Variants in OLA1 observed in about 807,000 individuals in gnomAD.
OLA1 encodes the protein obg-like ATPase 1.
OLA1 carries 14 observed loss-of-function variants against 48.4 expected under a neutral mutation model. The observed-to-expected ratio is 0.29, with a 90% CI of 0.19 to 0.45. The LOEUF (loss-of-function observed/expected upper bound fraction) is 0.45. OLA1 is among the 20% of genes least tolerant of loss of function. OLA1 has a pLI of 1.00. For missense variants in OLA1, 325 were observed against 467.1 expected (o/e 0.70, Z 2.80); for synonymous variants, 127 against 150.4 (o/e 0.84, Z 1.14).
intron 5 of OLA1, among the ~76,000 whole-genome samples, chr2:174,132,304 C>T (rs1431908206): frequency 6.6e-6 from 1 of 151,908 alleles, no homozygotes; most frequent in Non-Finnish European, 1.5e-5. Flanking sequence ...AACTTTTGGC[C>T]TTTTTGATCC....
intron 1 of OLA1, chr2:174,247,827 T>A: frequency 2.0e-6 from 3 of 1,538,402 alleles, no homozygotes; most frequent in African/African-American, 1.4e-5. Context: ...CGAAACTTTC[T>A]CTGTCCCTTA....
intron 5 of OLA1, among the ~76,000 whole-genome samples, chr2:174,135,160 CA>C (rs71405180): frequency 8.6e-4 from 74 of 86,008 alleles, no homozygotes; most frequent in Middle Eastern, 6.3e-3. Flanking sequence ...ACTCCGCCTC[CA>C]AAAAAAAAAA....
At chr2:174,243,741 T>C (rs1574577843) in intron 2 of OLA1, among the ~76,000 whole-genome samples, 1 of 152,200 alleles carries the variant, frequency 6.6e-6, no homozygotes, top group Non-Finnish European at 1.5e-5. Flanking sequence ...GATTGGCATA[T>C]AGTAAATGTT....
intron 4 of OLA1, among the ~76,000 whole-genome samples, chr2:174,215,755 A>G (rs1688348909): frequency 6.6e-6 from 1 of 152,224 alleles, no homozygotes; most frequent in Admixed American, 6.5e-5. Context: ...AATGCCATAT[A>G]AAATCATAAC....
chr2:174,162,921 T>C (rs954643355), intron 4 of OLA1, among the ~76,000 whole-genome samples: 3 of 152,138 alleles, frequency 2.0e-5, no homozygotes, highest in African/African-American at 7.2e-5. Flanking sequence ...GGAACGTGTA[T>C]GTAGTCCCAG....
intron 5 of OLA1, among the ~76,000 whole-genome samples, chr2:174,136,672 CT>C (rs555917413): frequency 2.5e-3 from 348 of 141,722 alleles, no homozygotes; most frequent in Middle Eastern, 3.6e-3. Flanking sequence ...CATGAATATT[CT>C]TTTTTTTTTT....
At chr2:174,247,738 A>T (rs1438397823) in intron 1 of OLA1, 1 of 1,551,112 alleles carries the variant, frequency 6.4e-7, no homozygotes, top group South Asian at 1.2e-5. Context: ...ATCAGTCCTC[A>T]TAAGCAACCT....
intron 4 of OLA1, among the ~76,000 whole-genome samples, chr2:174,162,519 A>G (rs1687034003): frequency 6.6e-6 from 1 of 152,176 alleles, no homozygotes; most frequent in Non-Finnish European, 1.5e-5. Flanking sequence ...TTTGTTTTAT[A>G]GTTAGTATAG....
Position 174,207,289 on chromosome 2 carries a change from A to G in OLA1, c.373+15744T>C, listed in dbSNP as rs531753856. On this transcript the variant is annotated intron_variant, in intron 4 of 10. Coordinates refer to ENST00000284719, the MANE Select transcript of OLA1 (RefSeq NM_013341.5). ...TTCACCTCTTTTTAACCAAACACCC[A>G]CAACAAAACTAAAGTAGCTCTCTGG... Among the ~76,000 whole-genome samples the G allele has an allele frequency of 2.0e-5, 3 of 152,320 alleles. No individual in the cohort carries two copies. In the East Asian group the frequency reaches 5.8e-4, roughly 29 times the overall value.
At chr2:174,102,159 T>C (rs1263165690) in intron 7 of OLA1, among the ~76,000 whole-genome samples, 2 of 151,980 alleles carry the variant, frequency 1.3e-5, no homozygotes, top group Admixed American at 6.6e-5. Flanking sequence ...GTCAGCAACA[T>C]CAATATCACC....
At chr2:174,206,509 G>C (rs1166404911) in intron 4 of OLA1, among the ~76,000 whole-genome samples, 1 of 152,074 alleles carries the variant, frequency 6.6e-6, no homozygotes, top group Non-Finnish European at 1.5e-5. Context: ...GCTATTTTGG[G>C]CAGAGAGGAC....
intron 5 of OLA1, among the ~76,000 whole-genome samples, chr2:174,133,289 T>A (rs1163136530): frequency 6.6e-6 from 1 of 152,196 alleles, no homozygotes; most frequent in Admixed American, 6.5e-5. Flanking sequence ...GGACCTATGA[T>A]GGTTTAGCTT....
chr2:174,138,593 T>C (rs1686365899), intron 5 of OLA1, among the ~76,000 whole-genome samples: 1 of 149,654 alleles, frequency 6.7e-6, no homozygotes, highest in African/African-American at 2.5e-5. Context: ...TGGCATTGAG[T>C]TTCTCAACAC....
intron 4 of OLA1, among the ~76,000 whole-genome samples, chr2:174,218,976 C>A (rs895341819): frequency 1.3e-5 from 2 of 148,334 alleles, no homozygotes; most frequent in African/African-American, 2.5e-5. Flanking sequence ...CACAGGCCAC[C>A]AAGGCCGGCT....
intron 6 of OLA1, 122 bp downstream of exon 6, chr2:174,123,473 C>T: frequency 3.1e-6 from 2 of 640,640 alleles, no homozygotes; most frequent in Non-Finnish European, 2.6e-6. Flanking sequence ...CAGGAATAAG[C>T]AATCACTGAC....
chr2:174,144,655 A>G (rs1463182276), intron 4 of OLA1, among the ~76,000 whole-genome samples: 1 of 151,754 alleles, frequency 6.6e-6, no homozygotes, highest in Non-Finnish European at 1.5e-5. Flanking sequence ...TTAATGCTTA[A>G]GAATATAGTC....
intron 4 of OLA1, among the ~76,000 whole-genome samples, chr2:174,182,718 G>A (rs2105415177): frequency 6.6e-6 from 1 of 152,206 alleles, no homozygotes; most frequent in South Asian, 2.1e-4. Context: ...AAAACCCACT[G>A]TTTTCATCCC....
intron 4 of OLA1, among the ~76,000 whole-genome samples, chr2:174,207,136 G>A (rs1299677958): frequency 1.3e-5 from 2 of 152,078 alleles, no homozygotes; most frequent in African/African-American, 2.4e-5. Flanking sequence ...AAGTTGGGGG[G>A]GAGCAATTAA....
chr2:174,174,035 C>CAAAAAAAAA (rs112671944), intron 4 of OLA1, among the ~76,000 whole-genome samples: 5 of 135,578 alleles, frequency 3.7e-5, no homozygotes, highest in Non-Finnish European at 8.2e-5. Context: ...CACACACACA[C>CAAAAAAAAA]AAAAAAAAAA....
Sources: gnomAD v4.1 joint callset for allele counts (sites outside exome capture counted in the v4.1 genomes callset) on GRCh38, gnomAD v4.1.1 for gene constraint, MANE v1.5 for transcripts, NCBI Gene and HGNC (gene_info 2026-07-23, HGNC 2026-07-21) for gene names.